DCST1: variants seen among roughly 807,000 people sequenced by gnomAD.
DCST1 encodes DC-STAMP domain containing 1.
In DCST1, 78 loss-of-function variants were observed where a neutral mutation model predicts 89.1. The ratio of observed to expected loss-of-function variants is 0.88; its 90% CI spans 0.73 to 1.06. The LOEUF (loss-of-function observed/expected upper bound fraction) is 1.06. Among genes scored for constraint, DCST1 ranks in the 50% least tolerant of loss-of-function variants. DCST1 has a pLI of 0.00. For synonymous variants in DCST1, 364 were observed against 371.9 expected (o/e 0.98, Z 0.24); for missense variants, 900 against 928.6 (o/e 0.97, Z 0.40).
At chr1:155,048,449 C>T (rs374104633) in intron 16 of DCST1, among the ~76,000 whole-genome samples, 1 of 152,210 alleles carries the variant, frequency 6.6e-6, no homozygotes. Context: ...CAGGCACACG[C>T]CATCACGCCC....
intron 15 of DCST1, 57 bp from the exon 16 acceptor site, chr1:155,047,999 AC>A (rs2102364085): frequency 6.2e-7 from 1 of 1,612,358 alleles, no homozygotes; most frequent in African/African-American, 1.3e-5. Context: ...CCAGCTCCCT[AC>A]CAACTCCATA....
chr1:155,049,141 C>A, intron 16 of DCST1: 2 of 708,192 alleles, frequency 2.8e-6, no homozygotes, highest in East Asian at 5.4e-5. Flanking sequence ...GGCTCCTTCC[C>A]TCATTACTAT....
In DCST1 at chr1:155,034,087, G is replaced by A. The variant is rs1252026852; in HGVS notation, c.51G>A (p.Gln17=). The A allele has an allele frequency of 6.2e-7, 1 of 1,614,064 alleles. No homozygotes were observed. The highest frequency in any genetic ancestry group is 8.5e-7 in the Non-Finnish European group (1 of 1,180,004). The change falls in exon 2 of 17, where the codon CAG becomes CAA. Residue 17 remains glutamine, a synonymous_variant. Transcript: ENST00000295542. ...GCACAAGAGGGCAAAGAAGAAAACA[G>A]CCTCATACCAGTGAGTCACTCAGCA... ...QNGTRGQRRK[Q]PHTTVQRLLT...
At chr1:155,047,069 G>C (rs1398102822) in intron 13 of DCST1, 127 bp from the exon 14 acceptor site, 1 of 815,772 alleles carries the variant, frequency 1.2e-6, no homozygotes, top group Non-Finnish European at 2.2e-6. Flanking sequence ...GATTCAGGAA[G>C]GGACAGAAAG....
chr1:155,049,050 T>C (rs1660759103), intron 16 of DCST1: 1 of 717,294 alleles, frequency 1.4e-6, no homozygotes, highest in South Asian at 1.5e-5. Context: ...GAGAGATCTG[T>C]AAGGCCTGCT....
In DCST1 at chr1:155,041,843, G is replaced by C; in HGVS notation, c.878G>C (p.Cys293Ser). The change falls in exon 8 of 17, where the codon TGT becomes TCT. Residue 293 changes from cysteine to serine, a missense_variant. Physicochemically the swap from Cys to Ser is moderately radical, Grantham distance 112. Transcript: ENST00000295542. ...CTGCCTATGAAGTTCAAGTTCTTCT[G>C]TGGCATTGCCAAGGGTCTGCACAGT... ...LCLPMKFKFF[C>S]GIAKVMEVWC... 6.2e-7 allele frequency: 1 copy of C among 1,614,240 alleles called. No individual in the cohort carries two copies. The highest frequency in any genetic ancestry group is 8.5e-7 in the Non-Finnish European group (1 of 1,180,048).
At position 155,050,623 on chromosome 1, in the gene DCST1, C is replaced by A. The variant is rs762561245; in HGVS notation, c.1876C>A (p.Pro626Thr). Reference protein sequence around the residue: ...RERQQKAPRHPLADILHRGCP... With the variant: ...RERQQKAPRHTLADILHRGCP... ...AACGCCCACCTCCCAACAGCGCCACCCGCTGGCGGATATCCTGCACCGCGG... is the reference window on the plus strand; with the variant it reads ...AACGCCCACCTCCCAACAGCGCCACACGCTGGCGGATATCCTGCACCGCGG... Residue 626 changes from proline (P) to threonine (T), a missense_variant, in exon 17 of 17, where the codon CCG becomes ACG. Physicochemically the swap from Pro to Thr is conservative, Grantham distance 38. Transcript: ENST00000295542. 1.3e-6 allele frequency: 2 copies of A among 1,580,912 alleles called. No individual in the cohort carries two copies. The highest frequency in any genetic ancestry group is 8.6e-7 in the Non-Finnish European group (1 of 1,166,638).
rs1228919809 is a variant in DCST1, at chr1:155,040,610, T to G, written c.517T>G (p.Phe173Val). ...RISTAPLRAM[F>V]KDLLSSKELL... ...CTCCACAGCCCCCTTACGGGCCATGTTCAAGGACCTGCTGGTCAGGAATCT... is the reference window on the plus strand; with the variant it reads ...CTCCACAGCCCCCTTACGGGCCATGGTCAAGGACCTGCTGGTCAGGAATCT... Residue 173 changes from phenylalanine to valine, a missense_variant, in exon 6 of 17, where the codon TTC becomes GTC. Coordinates refer to ENST00000295542, the MANE Select transcript of DCST1 (RefSeq NM_152494.4). The G allele has an allele frequency of 1.3e-6, 2 of 1,577,940 alleles. No homozygotes were observed. The highest frequency in any genetic ancestry group is 2.7e-5 in the African/African-American group (2 of 74,118).
chr1:155,037,157 CTACAGAGGCAT>C (rs1168443422), intron 4 of DCST1, among the ~76,000 whole-genome samples: 1 of 152,168 alleles, frequency 6.6e-6, no homozygotes, highest in African/African-American at 2.4e-5. Flanking sequence ...CAGGGGAGGT[CTACAGAGGCAT>C]TACAGAGGCT....
Position 155,040,540 on chromosome 1 carries a change from C to T in DCST1, c.447C>T (p.Cys149=). ...ACAACGTGATCGCATCGCTGGGCTGCACCGTGGAGCTGCAGATCAACAACA... is the reference window on the plus strand; with the variant it reads ...ACAACGTGATCGCATCGCTGGGCTGTACCGTGGAGCTGCAGATCAACAACA... The part of the protein sequence containing the change: ...NLNNVIASLG[C]TVELQINNTR... The change falls in exon 6 of 17, where the codon TGC becomes TGT. Residue 149 remains cysteine, a synonymous_variant. Coordinates refer to ENST00000295542, the MANE Select transcript of DCST1 (RefSeq NM_152494.4). 1.3e-6 allele frequency: 2 copies of T among 1,593,198 alleles called. No individual in the cohort carries two copies. The highest frequency in any genetic ancestry group is 2.3e-5 in the East Asian group (1 of 44,280).
intron 2 of DCST1, 41 bp from the exon 3 acceptor site, chr1:155,034,394 G>C: frequency 6.2e-7 from 1 of 1,613,324 alleles, no homozygotes; most frequent in African/African-American, 1.3e-5. Context: ...CCCATCCCAG[G>C]CAGAAGAGTG....
At chr1:155,048,435 A>G (rs780178266) in intron 16 of DCST1, among the ~76,000 whole-genome samples, 3 of 152,234 alleles carry the variant, frequency 2.0e-5, no homozygotes, top group Non-Finnish European at 2.9e-5. Context: ...AGTAGCCAGG[A>G]TTACAGGCAC....
chr1:155,034,851 T>G, intron 4 of DCST1, 124 bp downstream of exon 4: 5 of 1,040,732 alleles, frequency 4.8e-6, no homozygotes, highest in Non-Finnish European at 7.3e-6. Flanking sequence ...GGCTTCCGCC[T>G]CCTCCTGGGC....
intron 9 of DCST1, 92 bp from the exon 10 acceptor site, chr1:155,043,260 G>T: frequency 6.3e-7 from 1 of 1,584,270 alleles, no homozygotes; most frequent in South Asian, 1.1e-5. Context: ...AGGGACACAA[G>T]TGGGGTACTG....
chr1:155,039,979 A>G (rs942567018), intron 5 of DCST1, among the ~76,000 whole-genome samples: 3 of 115,512 alleles, frequency 2.6e-5, no homozygotes, highest in Non-Finnish European at 3.4e-5. Flanking sequence ...TGACAGAGCA[A>G]GACTCCGTCT....
intron 4 of DCST1, among the ~76,000 whole-genome samples, chr1:155,035,442 G>A (rs1660249108): frequency 1.3e-5 from 2 of 152,110 alleles, no homozygotes; most frequent in African/African-American, 4.8e-5. Flanking sequence ...GATTACAGGT[G>A]TAAGCCACCG....
intron 10 of DCST1, 113 bp downstream of exon 10, chr1:155,043,622 A>G (rs1660509194): frequency 5.5e-6 from 7 of 1,270,896 alleles, no homozygotes; most frequent in Admixed American, 6.6e-5. Flanking sequence ...CTGAATCTGA[A>G]TATTATTTAC....
Position 155,040,517 on chromosome 1 carries a change from A to C in DCST1, c.424A>C (p.Asn142His), listed in dbSNP as rs201556685. The C allele has an allele frequency of 5.0e-6, 8 of 1,597,916 alleles. No individual in the cohort carries two copies. Among genetic ancestry groups the C allele is most frequent in the African/African-American group, 1.3e-5 (1 of 74,850 alleles). Reference protein sequence around the residue: ...PVANLRHNLNNVIASLGCTVE... With the variant: ...PVANLRHNLNHVIASLGCTVE... ...AGCCAATCTGCGACACAATCTCAAC[A>C]ACGTGATCGCATCGCTGGGCTGCAC... Residue 142 changes from asparagine (N) to histidine (H), a missense_variant, in exon 6 of 17, where the codon AAC becomes CAC. Asn to His is a moderately conservative substitution (Grantham distance 68). Transcript: ENST00000295542.
At position 155,048,240 on chromosome 1, in the gene DCST1, C is replaced by T. The variant is rs550559763; in HGVS notation, c.1869+70C>T. The stretch of plus-strand genomic sequence containing the variant: ...AAGTACAGCAGGCAAGGGGCAGCTC[C>T]CTTCAGTCCACCCAGCACCCACCAA... On this transcript the variant is annotated intron_variant, in intron 16 of 16. Coordinates refer to ENST00000295542, the MANE Select transcript of DCST1 (RefSeq NM_152494.4). 2.3e-6 allele frequency: 3 copies of T among 1,278,550 alleles called. No individual in the cohort carries two copies. In the South Asian group the frequency reaches 3.7e-5, roughly 16 times the overall value. The allele number at this position is 1,278,550 out of a possible 1,614,324, so 79.2% of individuals were successfully genotyped here. A position where few individuals can be genotyped will look rare whatever the true frequency, so the allele number is the denominator to read the frequency against.
Sources: allele counts gnomAD v4.1 joint callset (sites outside exome capture counted in the v4.1 genomes callset), GRCh38; gene constraint gnomAD v4.1.1; transcripts MANE v1.5; gene names NCBI Gene and HGNC (gene_info 2026-07-23, HGNC 2026-07-21).